INPP4A: variants seen among roughly 807,000 people sequenced by gnomAD.
The protein encoded by INPP4A is inositol polyphosphate-4-phosphatase, type I, 107kD.
INPP4A carries 33 observed loss-of-function variants against 119.8 expected under a neutral mutation model. That is an observed-to-expected ratio of 0.28 (90% CI 0.21 to 0.37). The LOEUF (loss-of-function observed/expected upper bound fraction) is 0.37. INPP4A is among the 10% of genes least tolerant of loss of function. The pLI is 1.00. For missense variants in INPP4A, 956 were observed against 1,289.9 expected (o/e 0.74, Z 3.97); for synonymous variants, 496 against 500.7 (o/e 0.99, Z 0.12).
intron 10 of INPP4A, among the ~76,000 whole-genome samples, chr2:98,542,261 G>A (rs910997695): frequency 2.0e-5 from 3 of 152,262 alleles, no homozygotes; most frequent in African/African-American, 4.8e-5. Context: ...GGCTGGCCAC[G>A]TAGCCCTACC....
At chr2:98,511,138 C>G (rs1685057629) in intron 1 of INPP4A, among the ~76,000 whole-genome samples, 1 of 152,056 alleles carries the variant, frequency 6.6e-6, no homozygotes, top group Non-Finnish European at 1.5e-5. Flanking sequence ...GGGCTCACTG[C>G]AACCTCCACC....
At chr2:98,493,795 A>T (rs1264886573) in intron 1 of INPP4A, among the ~76,000 whole-genome samples, 1 of 152,200 alleles carries the variant, frequency 6.6e-6, no homozygotes, top group African/African-American at 2.4e-5. Flanking sequence ...CTAACATGGG[A>T]TATTAAGCAG....
intron 1 of INPP4A, among the ~76,000 whole-genome samples, chr2:98,503,060 G>A (rs1049966780): frequency 6.6e-6 from 1 of 152,092 alleles, no homozygotes; most frequent in Non-Finnish European, 1.5e-5. Flanking sequence ...TGTGTTGGTC[G>A]TGAATGTTGC....
intron 1 of INPP4A, among the ~76,000 whole-genome samples, chr2:98,497,199 G>C (rs1219918577): frequency 6.6e-6 from 1 of 152,226 alleles, no homozygotes. Context: ...GCCTGCCAGT[G>C]TACAGAAGTC....
intron 1 of INPP4A, among the ~76,000 whole-genome samples, chr2:98,490,702 C>G (rs959616931): frequency 6.6e-6 from 1 of 152,276 alleles, no homozygotes; most frequent in East Asian, 1.9e-4. Context: ...CCTAGAATTG[C>G]CACCCACCTG....
chr2:98,533,645 T>G (rs1232104303), intron 5 of INPP4A, 150 bp downstream of exon 5: 2 of 596,618 alleles, frequency 3.4e-6, no homozygotes, highest in Non-Finnish European at 3.1e-6. Context: ...TACATTGATA[T>G]TTTTCATCAC....
chr2:98,466,540 A>G (rs182140272), intron 1 of INPP4A, among the ~76,000 whole-genome samples: 1 of 152,328 alleles, frequency 6.6e-6, no homozygotes, highest in East Asian at 1.9e-4. Flanking sequence ...CTTGAATGAT[A>G]AGTGTCTGTC....
At chr2:98,524,775 A>G (rs1390022258) in intron 4 of INPP4A, among the ~76,000 whole-genome samples, 14 of 152,252 alleles carry the variant, frequency 9.2e-5, no homozygotes, top group Non-Finnish European at 2.1e-4. Flanking sequence ...AGAAGAAACA[A>G]AAGAGAACTT....
At chr2:98,536,311 T>C in intron 7 of INPP4A, 103 bp downstream of exon 7, 1 of 724,594 alleles carries the variant, frequency 1.4e-6, no homozygotes, top group South Asian at 1.6e-5. Context: ...ACCCTTCCCT[T>C]CCCAGAAGCC....
At chr2:98,450,709 TG>T (rs749589246) in intron 1 of INPP4A, among the ~76,000 whole-genome samples, 83 of 152,196 alleles carry the variant, frequency 5.5e-4, no homozygotes, top group Non-Finnish European at 9.1e-4. Context: ...TGTGGGTGGT[TG>T]GCAGAGCTTG....
intron 22 of INPP4A, 81 bp from the exon 23 acceptor site, chr2:98,572,734 C>G (rs1697694793): frequency 1.2e-6 from 1 of 864,710 alleles, no homozygotes; most frequent in Admixed American, 2.4e-5. Context: ...TGTGCCCCAG[C>G]AGCTCACTTG....
intron 4 of INPP4A, chr2:98,521,593 C>G (rs1687204611): frequency 6.6e-6 from 1 of 152,388 alleles, no homozygotes; most frequent in African/African-American, 2.4e-5. Flanking sequence ...TAAGCACCCC[C>G]CAGCCCCAAA....
At position 98,559,480 on chromosome 2, in the gene INPP4A, G is replaced by C. The variant is rs1695079111; in HGVS notation, c.1840G>C (p.Glu614Gln). Reference sequence around the variant, plus strand: ...CTGTGCAGATTGCAGTCCCCCTCCTGAAGAGTCCAGCCCAGGTACGTGGTT... The same window carrying C: ...CTGTGCAGATTGCAGTCCCCCTCCTCAAGAGTCCAGCCCAGGTACGTGGTT... ...HLTTHCSPPPEESSPGEWSEA... is the reference protein window; with the variant it reads ...HLTTHCSPPPQESSPGEWSEA... The change falls in exon 17 of 25, where the codon GAA becomes CAA. Residue 614 changes from glutamate to glutamine, a missense_variant. Glu to Gln is a conservative substitution (Grantham distance 29). Transcript: ENST00000409851. 6.2e-7 allele frequency: 1 copy of C among 1,614,006 alleles called. No homozygotes were observed. The highest frequency in any genetic ancestry group is 8.5e-7 in the Non-Finnish European group (1 of 1,179,880).
intron 1 of INPP4A, among the ~76,000 whole-genome samples, chr2:98,504,060 G>A (rs1683612986): frequency 6.6e-6 from 1 of 152,150 alleles, no homozygotes. Flanking sequence ...TCTTTTTGAG[G>A]TTTCATTATT....
At chr2:98,472,594 T>A (rs1229663132) in intron 1 of INPP4A, among the ~76,000 whole-genome samples, 1 of 152,216 alleles carries the variant, frequency 6.6e-6, no homozygotes, top group East Asian at 1.9e-4. Flanking sequence ...GAAGATGACT[T>A]CCTGAGGGAG....
chr2:98,587,421 C>A (rs1700065629), intron 24 of INPP4A, 55 bp from the exon 25 acceptor site: 3 of 1,487,440 alleles, frequency 2.0e-6, no homozygotes, highest in Non-Finnish European at 2.7e-6. Context: ...TAGTTTAAGT[C>A]TTTTCTTTTT....
chr2:98,447,135 C>T (rs934976802), intron 1 of INPP4A, among the ~76,000 whole-genome samples: 3 of 152,158 alleles, frequency 2.0e-5, no homozygotes, highest in Admixed American at 2.0e-4. Flanking sequence ...GAGGGGGAGG[C>T]TTTCCACCAA....
intron 10 of INPP4A, among the ~76,000 whole-genome samples, chr2:98,542,224 C>G (rs1410351932): frequency 6.6e-6 from 1 of 152,280 alleles, no homozygotes; most frequent in African/African-American, 2.4e-5. Context: ...AGCTGCTGTG[C>G]TCAGAGCGGC....
intron 21 of INPP4A, 94 bp from the exon 22 acceptor site, chr2:98,568,475 TTG>T: frequency 1.5e-6 from 1 of 662,832 alleles, no homozygotes; most frequent in South Asian, 1.8e-5. Flanking sequence ...TAGTAAATGT[TTG>T]AGAGAATCAG....
Sources: gnomAD v4.1 joint callset for allele counts (sites outside exome capture counted in the v4.1 genomes callset) on GRCh38, gnomAD v4.1.1 for gene constraint, MANE v1.5 for transcripts, NCBI Gene and HGNC (gene_info 2026-07-23, HGNC 2026-07-21) for gene names.